The following DDR1 variants were observed in gnomAD, a reference collection of about 807,000 sequenced individuals.
DDR1 encodes epithelial discoidin domain-containing receptor 1.
In DDR1, 64 loss-of-function variants were observed where a neutral mutation model predicts 97.4. The observed-to-expected ratio is 0.66, with a 90% confidence interval of 0.54 to 0.81. The LOEUF is 0.81. Ranked by LOEUF, DDR1 falls within the 30% of genes least tolerant of loss-of-function variation. DDR1 has a pLI of 0.00. For missense variants in DDR1, 990 were observed against 1,259.6 expected, an observed-to-expected ratio of 0.79 and a Z score of 3.24; for synonymous variants, 458 against 503.7, an observed-to-expected ratio of 0.91 and a Z score of 1.21.
Position 30,891,345 on chromosome 6 carries a change from G to A in DDR1, c.566-35G>A. ...TGCAGGGATGGGGGATGGAGCCTTA[G>A]TGCCTCTGACCCCCATCCTCTCACC... On this transcript the variant is annotated intron_variant, in intron 5 of 17. Transcript: ENST00000376568. This position sits in a 1 kb window ranked among gnomAD's most constrained non-coding sequence, Gnocchi z 5.3. The A allele has an allele frequency of 6.4e-6, 10 of 1,551,056 alleles. No individual in the cohort carries two copies. The highest frequency in any genetic ancestry group is 8.9e-6 in the Non-Finnish European group (10 of 1,126,126).
intron 11 of DDR1, among the ~76,000 whole-genome samples, chr6:30,895,034 C>G (rs1051183939): frequency 2.6e-5 from 4 of 152,104 alleles, no homozygotes; most frequent in African/African-American, 9.7e-5. Flanking sequence ...TACATCCTTG[C>G]ATCCATCCAT....
chr6:30,894,543 A>C lies in DDR1; in HGVS notation c.1385A>C (p.His462Pro). 1 of 1,612,088 alleles carries C rather than the reference A, an allele frequency of 6.2e-7. No homozygotes were observed. Among genetic ancestry groups the C allele is most frequent in the Non-Finnish European group, 8.5e-7 (1 of 1,179,084 alleles). ...GTGTTGGAAGAGGAGCTGACGGTTC[A>C]CCTCTCTGTCCCTGGGGACACTATC... ...RRVLEEELTV[H>P]LSVPGDTILI... The change falls in exon 11 of 18, where the codon CAC becomes CCC. Residue 462 changes from histidine to proline, a missense_variant. Transcript: ENST00000376568. The surrounding 1 kb of genome is among the most constrained non-coding windows in gnomAD (Gnocchi z 5.7).
Position 30,891,367 on chromosome 6 carries a change from C to G in DDR1, c.566-13C>G, listed in dbSNP as rs1328233079. 3 of 1,605,994 alleles carry G rather than the reference C, an allele frequency of 1.9e-6. No individual in the cohort carries two copies. Among genetic ancestry groups the G allele is most frequent in the Non-Finnish European group, 2.6e-6 (3 of 1,174,264 alleles). On this transcript the variant is annotated splice_polypyrimidine_tract_variant and intron_variant, in intron 5 of 17. Coordinates refer to ENST00000376568, the MANE Select transcript of DDR1 (RefSeq NM_001297654.2). This position sits in a 1 kb window ranked among gnomAD's most constrained non-coding sequence, Gnocchi z 5.3. ...TTAGTGCCTCTGACCCCCATCCTCT[C>G]ACCCTGCCCCAGATGGACTCCTGTC...
Position 30,889,875 on chromosome 6 carries a change from G to A in DDR1, c.417+445G>A, listed in dbSNP as rs1787385761. Among the ~76,000 whole-genome samples, 1 of 152,130 alleles carries A rather than the reference G, an allele frequency of 6.6e-6. No individual in the cohort carries two copies. Among genetic ancestry groups the A allele is most frequent in the East Asian group, 1.9e-4 (1 of 5,190 alleles). On this transcript the variant is annotated intron_variant, in intron 4 of 17. Transcript: ENST00000376568. The surrounding 1 kb of genome is among the most constrained non-coding windows in gnomAD (Gnocchi z 4.9). The stretch of plus-strand genomic sequence containing the variant: ...GTATCACCATTGCCTGGTTGCCTAG[G>A]CTATAAGTTAAGATGATATCCTTGA...
At position 30,898,473 on chromosome 6, in the gene DDR1, G is replaced by A. The variant is rs11750962; in HGVS notation, c.2451+166G>A. ...TAGCCCAAGGGACTGGGGAAAGCAG[G>A]AGCTGCAGTGTGATGGGCAAGAATC... On this transcript the variant is annotated intron_variant, in intron 16 of 17. Transcript: ENST00000376568. 4.8e-3 allele frequency among the ~76,000 whole-genome samples: 732 copies of A among 152,342 alleles called. 2 individuals are homozygous for A. The highest frequency in any genetic ancestry group is 8.3e-3 in the Non-Finnish European group (566 of 68,034).
At chr6:30,881,872 GT>G (rs1380967260), upstream of DDR1, 1 of 152,886 alleles carries the variant, frequency 6.5e-6, no homozygotes, top group African/African-American at 2.4e-5. Context: ...CCCTCTTCTG[GT>G]CCCTTGCCCT....
Position 30,890,779 on chromosome 6 carries a change from C to A in DDR1, c.418-194C>A. 1 of 543,844 alleles carries A rather than the reference C, an allele frequency of 1.8e-6. No individual in the cohort carries two copies. Among genetic ancestry groups the A allele is most frequent in the Non-Finnish European group, 3.1e-6 (1 of 319,628 alleles). The allele number at this position is 543,844 out of a possible 1,614,324, so 33.7% of individuals were successfully genotyped here. ...TGAGGATGGAACATCAGAGCTGCGA[C>A]AGAGCCAGAGGTCTCAGCTGCAGAT... is the stretch of plus-strand genomic sequence containing the variant. On this transcript the variant is annotated intron_variant, in intron 4 of 17. Coordinates refer to ENST00000376568, the MANE Select transcript of DDR1 (RefSeq NM_001297654.2). This position sits in a 1 kb window ranked among gnomAD's most constrained non-coding sequence, Gnocchi z 5.0.
In DDR1 at chr6:30,892,054, G is replaced by A; in HGVS notation, c.718G>A (p.Asp240Asn). 6.2e-7 allele frequency: 1 copy of A among 1,614,166 alleles called. No individual in the cohort carries two copies. The highest frequency in any genetic ancestry group is 1.1e-5 in the South Asian group (1 of 91,080). Residue 240 changes from aspartate (D) to asparagine (N), a missense_variant, in exon 7 of 18, where the codon GAC becomes AAC. Coordinates refer to ENST00000376568, the MANE Select transcript of DDR1 (RefSeq NM_001297654.2). The part of the protein sequence containing the change: ...QLADGVVGLD[D>N]FRKSQELRVW... ...GGCAGATGGTGTGGTGGGGCTGGATGACTTTAGGAAGAGTCAGGAGCTGCG... is the reference window on the plus strand; with the variant it reads ...GGCAGATGGTGTGGTGGGGCTGGATAACTTTAGGAAGAGTCAGGAGCTGCG...
In DDR1 at chr6:30,890,435, AGAGCCT is replaced by A; in HGVS notation, c.418-537_418-532del. The A allele has an allele frequency of 6.5e-6, 1 of 152,866 alleles. No homozygotes were observed. The highest frequency in any genetic ancestry group is 1.5e-5 in the Non-Finnish European group (1 of 68,544). The allele number at this position is 152,866 out of a possible 1,614,324, so 9.5% of individuals were successfully genotyped here. On this transcript the variant is annotated intron_variant, in intron 4 of 17. Coordinates refer to ENST00000376568, the MANE Select transcript of DDR1 (RefSeq NM_001297654.2). This position sits in a 1 kb window ranked among gnomAD's most constrained non-coding sequence, Gnocchi z 5.0. ...TCTCTGCCAGGTGTCACCTCCTTAG[AGAGCCT>A]TTTCTGGCCACCCACCTCACTGCTC...
rs1785920202 is a variant in DDR1, at chr6:30,886,501, T to G, written c.-43+1791T>G. Among the ~76,000 whole-genome samples, 1 of 152,194 alleles carries G rather than the reference T, an allele frequency of 6.6e-6. No homozygotes were observed. The highest frequency in any genetic ancestry group is 6.5e-5 in the Admixed American group (1 of 15,286). ...TCAGAGCTCTGGGGTCTCAGCTGCC[T>G]CTTACATTCCTGCCCTAGTGCATTG... is the stretch of plus-strand genomic sequence containing the variant. On this transcript the variant is annotated intron_variant, in intron 1 of 17. Transcript: ENST00000376568. The surrounding 1 kb of genome is among the most constrained non-coding windows in gnomAD (Gnocchi z 4.6).
Position 30,897,964 on chromosome 6 carries a change from C to A in DDR1, c.2217-109C>A. On this transcript the variant is annotated intron_variant, in intron 15 of 17. Coordinates refer to ENST00000376568, the MANE Select transcript of DDR1 (RefSeq NM_001297654.2). This position sits in a 1 kb window ranked among gnomAD's most constrained non-coding sequence, Gnocchi z 5.2. ...TTGGCCTCACGTGGGCATTCCACCTCCACATGGGGAGCCAGAGTGACCGGG... is the reference window on the plus strand; with the variant it reads ...TTGGCCTCACGTGGGCATTCCACCTACACATGGGGAGCCAGAGTGACCGGG... 1.2e-6 allele frequency: 1 copy of A among 820,952 alleles called. No individual in the cohort carries two copies. The highest frequency in any genetic ancestry group is 2.0e-6 in the Non-Finnish European group (1 of 506,058). 50.9% of individuals were successfully genotyped at this position (820,952 alleles called of 1,614,324 possible). A position where few individuals can be genotyped will look rare whatever the true frequency, so the allele number is the denominator to read the frequency against.
rs1250442319 is a variant in DDR1 at position 30,891,444 on chromosome 6, C to T, written c.630C>T (p.Leu210=). 6.2e-7 allele frequency: 1 copy of T among 1,612,842 alleles called. No individual in the cohort carries two copies. The highest frequency in any genetic ancestry group is 8.5e-7 in the Non-Finnish European group (1 of 1,179,984). Reference sequence around the variant, plus strand: ...TGTATTTATCTGAGGCCGTGTACCTCAACGACTCCACCTATGACGGACATA... The same window carrying T: ...TGTATTTATCTGAGGCCGTGTACCTTAACGACTCCACCTATGACGGACATA... ...QTMYLSEAVY[L]NDSTYDGHTV... The change falls in exon 6 of 18, where the codon CTC becomes CTT. Residue 210 remains leucine, a synonymous_variant. Transcript: ENST00000376568. The surrounding 1 kb of genome is among the most constrained non-coding windows in gnomAD (Gnocchi z 5.3).
Position 30,894,808 on chromosome 6 carries a change from A to G in DDR1, c.1513+137A>G. The G allele has an allele frequency of 2.1e-6, 2 of 973,950 alleles. No individual in the cohort carries two copies. Among genetic ancestry groups the G allele is most frequent in the Non-Finnish European group, 2.9e-6 (2 of 683,322 alleles). The allele number at this position is 973,950 out of a possible 1,614,324, so 60.3% of individuals were successfully genotyped here. ...CTTTCTGTGCCCCTGGTTACTGTCT[A>G]TATCACTCTTTGTCCCTACCATGTA... On this transcript the variant is annotated intron_variant, in intron 11 of 17. Coordinates refer to ENST00000376568, the MANE Select transcript of DDR1 (RefSeq NM_001297654.2). The surrounding 1 kb of genome is among the most constrained non-coding windows in gnomAD (Gnocchi z 5.7).
chr6:30,886,232 C>T lies in DDR1; in HGVS notation c.-43+1522C>T, dbSNP rs778116062. Among the ~76,000 whole-genome samples the T allele has an allele frequency of 2.0e-5, 3 of 152,116 alleles. No homozygotes were observed. The highest frequency in any genetic ancestry group is 4.4e-5 in the Non-Finnish European group (3 of 68,012). Reference sequence around the variant, plus strand: ...CTTTGTATCTCTGCCCCGGGCTCCTCTCGGCTCTGTGTGGCTCTGATGACT... The same window carrying T: ...CTTTGTATCTCTGCCCCGGGCTCCTTTCGGCTCTGTGTGGCTCTGATGACT... On this transcript the variant is annotated intron_variant, in intron 1 of 17. Transcript: ENST00000376568. The surrounding 1 kb of genome is among the most constrained non-coding windows in gnomAD (Gnocchi z 4.6).
chr6:30,889,338 G>T lies in DDR1; in HGVS notation c.325G>T (p.Gly109Cys). 6.2e-7 allele frequency: 1 copy of T among 1,612,314 alleles called. No homozygotes were observed. Among genetic ancestry groups the T allele is most frequent in the Non-Finnish European group, 8.5e-7 (1 of 1,179,662 alleles). The change falls in exon 4 of 18, where the codon GGC becomes TGC. Residue 109 changes from glycine to cysteine, a missense_variant. Coordinates refer to ENST00000376568, the MANE Select transcript of DDR1 (RefSeq NM_001297654.2). This position sits in a 1 kb window ranked among gnomAD's most constrained non-coding sequence, Gnocchi z 4.9. ...GGGCACCCAGGGACGGCATGCCGGG[G>T]GCCTGGGCAAGGAGTTCTCCCGGAG... ...LVGTQGRHAG[G>C]LGKEFSRSYR...
At chr6:30,885,391 G>A in intron 1 of DDR1, 1 of 941,394 alleles carries the variant, frequency 1.1e-6, no homozygotes, top group South Asian at 1.6e-5. Flanking sequence ...GGAGACAGGT[G>A]AAAGGGGAGT....
At chr6:30,895,535 G>C in intron 12 of DDR1, 21 bp downstream of exon 12, 1 of 1,462,368 alleles carries the variant, frequency 6.8e-7, no homozygotes, top group Non-Finnish European at 9.4e-7. Flanking sequence ...CTGCCCCTGG[G>C]CTCCGCCAGG....
rs150908231 is a variant in DDR1 at position 30,897,047 on chromosome 6, C to G, written c.1903C>G (p.Leu635Val). 6.2e-7 allele frequency: 1 copy of G among 1,613,530 alleles called. No homozygotes were observed. The highest frequency in any genetic ancestry group is 8.5e-7 in the Non-Finnish European group (1 of 1,179,782). The change falls in exon 14 of 18, where the codon CTG (leucine) becomes GTG (valine). Residue 635 changes from leucine to valine, a missense_variant. Coordinates refer to ENST00000376568, the MANE Select transcript of DDR1 (RefSeq NM_001297654.2). This position sits in a 1 kb window ranked among gnomAD's most constrained non-coding sequence, Gnocchi z 5.2. Reference sequence around the variant, plus strand: ...GTGTGAGGTCGACAGCCCTCAAGATCTGGTTAGTCTTGATTTCCCCCTTAA... The same window carrying G: ...GTGTGAGGTCGACAGCCCTCAAGATGTGGTTAGTCTTGATTTCCCCCTTAA... ...HLCEVDSPQD[L>V]VSLDFPLNVR...
upstream of DDR1, chr6:30,883,837 C>T: frequency 6.5e-6 from 1 of 152,956 alleles, no homozygotes; most frequent in Non-Finnish European, 1.5e-5. The surrounding 1 kb of genome is among the most constrained non-coding windows in gnomAD (Gnocchi z 4.9). Context: ...TGGGGCCTTC[C>T]AGGTTGGGTC....
Sources: gnomAD v4.1 joint callset for allele counts (sites outside exome capture counted in the v4.1 genomes callset) on GRCh38, gnomAD v4.1.1 for gene constraint, Gnocchi (gnomAD v3.1) non-coding constraint, MANE v1.5 for transcripts, NCBI Gene and HGNC (gene_info 2026-07-23, HGNC 2026-07-21) for gene names.